Variants in LCLAT1 observed in about 807,000 individuals in gnomAD.
LCLAT1 encodes lysocardiolipin acyltransferase 1, also known as 1-AGP acyltransferase 8.
Under a neutral mutation model 30.7 loss-of-function variants are expected in LCLAT1, and 11 were observed. That is an observed-to-expected ratio of 0.36 (90% CI 0.23 to 0.59). LCLAT1 has a LOEUF of 0.59. LCLAT1 is among the 20% of genes least tolerant of loss of function. The pLI is 0.77. For synonymous variants in LCLAT1, 155 were observed against 151.3 expected (o/e 1.02, Z -0.18); for missense variants, 402 against 458.6 (o/e 0.88, Z 1.13).
intron 1 of LCLAT1, among the ~76,000 whole-genome samples, chr2:30,512,710 G>C (rs1684998619): frequency 6.6e-6 from 1 of 152,112 alleles, no homozygotes; most frequent in Admixed American, 6.5e-5. Flanking sequence ...TTTGCAATCG[G>C]TTTTATTTAC....
At chr2:30,529,388 T>G (rs1416814083) in intron 2 of LCLAT1, among the ~76,000 whole-genome samples, 1 of 152,250 alleles carries the variant, frequency 6.6e-6, no homozygotes, top group Non-Finnish European at 1.5e-5. Context: ...AAGAATCCGT[T>G]CTAGAACTAT....
intron 5 of LCLAT1, among the ~76,000 whole-genome samples, chr2:30,569,080 T>A (rs902874420): frequency 1.3e-5 from 2 of 152,152 alleles, no homozygotes; most frequent in South Asian, 2.1e-4. Flanking sequence ...TATTTTATAG[T>A]TAAATAGAAC....
At chr2:30,541,755 C>G (rs1664148039) in intron 3 of LCLAT1, among the ~76,000 whole-genome samples, 3 of 152,114 alleles carry the variant, frequency 2.0e-5, no homozygotes. Context: ...CCTTTTGCAC[C>G]CAAACCCCTG....
At chr2:30,465,776 A>G (rs1682387876) in intron 1 of LCLAT1, among the ~76,000 whole-genome samples, 2 of 152,140 alleles carry the variant, frequency 1.3e-5, no homozygotes, top group Non-Finnish European at 2.9e-5. Flanking sequence ...AATCATTTAT[A>G]TTATTTTGAG....
chr2:30,476,492 A>T, intron 1 of LCLAT1: 1 of 456,566 alleles, frequency 2.2e-6, no homozygotes, highest in South Asian at 1.5e-5. Context: ...AGGCCCTATA[A>T]CTGTGCTTGC....
chr2:30,476,920 T>C (rs1683074235), intron 1 of LCLAT1, among the ~76,000 whole-genome samples: 1 of 152,234 alleles, frequency 6.6e-6, no homozygotes, highest in African/African-American at 2.4e-5. Flanking sequence ...AGTGTGTGAT[T>C]CTCTTATTAG....
At chr2:30,527,499 A>G (rs757186969) in intron 2 of LCLAT1, among the ~76,000 whole-genome samples, 3 of 152,230 alleles carry the variant, frequency 2.0e-5, no homozygotes, top group African/African-American at 4.8e-5. Flanking sequence ...AAAAATTACT[A>G]CAGTTGTAAT....
intron 5 of LCLAT1, among the ~76,000 whole-genome samples, chr2:30,624,455 G>C (rs563148480): frequency 6.6e-6 from 1 of 152,314 alleles, no homozygotes; most frequent in African/African-American, 2.4e-5. Context: ...CCAAAAGTGA[G>C]CAGGAGTAGC....
At chr2:30,609,533 A>C (rs1484983275) in intron 5 of LCLAT1, among the ~76,000 whole-genome samples, 1 of 152,156 alleles carries the variant, frequency 6.6e-6, no homozygotes, top group African/African-American at 2.4e-5. Flanking sequence ...TTTGAACTCT[A>C]TTCTGATACT....
At chr2:30,501,904 T>C (rs1277930989) in intron 1 of LCLAT1, among the ~76,000 whole-genome samples, 1 of 152,252 alleles carries the variant, frequency 6.6e-6, no homozygotes, top group Non-Finnish European at 1.5e-5. Context: ...AATTTTATAC[T>C]TTATGTTAGT....
intron 3 of LCLAT1, among the ~76,000 whole-genome samples, chr2:30,534,775 T>C (rs1042308746): frequency 1.3e-5 from 2 of 152,168 alleles, no homozygotes; most frequent in African/African-American, 2.4e-5. Context: ...TCATATGTTA[T>C]TGGTGGAAGC....
chr2:30,464,199 CTT>C (rs569989344), intron 1 of LCLAT1, among the ~76,000 whole-genome samples: 1 of 150,536 alleles, frequency 6.6e-6, no homozygotes, highest in African/African-American at 2.4e-5. Flanking sequence ...ATTTCTTTCC[CTT>C]TTTTTTTAGT....
intron 5 of LCLAT1, among the ~76,000 whole-genome samples, chr2:30,597,598 A>G (rs1006389869): frequency 6.6e-6 from 1 of 152,148 alleles, no homozygotes; most frequent in African/African-American, 2.4e-5. Context: ...AACAAAGACA[A>G]TTTGGCTTCC....
intron 5 of LCLAT1, 33 bp from the exon 6 acceptor site, chr2:30,640,084 C>G: frequency 6.4e-7 from 1 of 1,564,914 alleles, no homozygotes; most frequent in Non-Finnish European, 8.7e-7. Context: ...TTGAGCACTG[C>G]TTAATCTATG....
intron 5 of LCLAT1, among the ~76,000 whole-genome samples, chr2:30,594,673 G>A (rs1666851333): frequency 6.6e-6 from 1 of 152,154 alleles, no homozygotes; most frequent in Non-Finnish European, 1.5e-5. Flanking sequence ...ATGTGGGAGG[G>A]TCTCTTATAT....
At chr2:30,634,792 C>G (rs576904146) in intron 5 of LCLAT1, among the ~76,000 whole-genome samples, 1 of 152,108 alleles carries the variant, frequency 6.6e-6, no homozygotes, top group South Asian at 2.1e-4. Flanking sequence ...GTATTTTAGC[C>G]CAGTTATAAA....
chr2:30,536,250 A>G (rs775484991), intron 3 of LCLAT1, among the ~76,000 whole-genome samples: 2 of 152,226 alleles, frequency 1.3e-5, no homozygotes, highest in Non-Finnish European at 2.9e-5. Flanking sequence ...AAAACTTTCC[A>G]AGTCTTGGGA....
intron 5 of LCLAT1, among the ~76,000 whole-genome samples, chr2:30,636,878 C>CA (rs761691873): frequency 6.6e-6 from 1 of 152,152 alleles, no homozygotes; most frequent in Non-Finnish European, 1.5e-5. Context: ...CTGTGACACT[C>CA]ACGTAGAATG....
intron 1 of LCLAT1, among the ~76,000 whole-genome samples, chr2:30,469,834 C>T (rs900851149): frequency 4.6e-5 from 7 of 152,164 alleles, no homozygotes; most frequent in African/African-American, 1.7e-4. Flanking sequence ...ACCTCATGAT[C>T]CACCTGCTTC....
Sources: gnomAD v4.1 joint callset for allele counts (sites outside exome capture counted in the v4.1 genomes callset) on GRCh38, gnomAD v4.1.1 for gene constraint, MANE v1.5 for transcripts, NCBI Gene and HGNC (gene_info 2026-07-23, HGNC 2026-07-21) for gene names.